SDK1: variants seen among roughly 807,000 people sequenced by gnomAD.
The protein encoded by SDK1 is protein sidekick-1.
SDK1 carries 157 observed loss-of-function variants against 245.5 expected under a neutral mutation model. The ratio of observed to expected loss-of-function variants is 0.64; its 90% CI spans 0.56 to 0.73. SDK1 has a LOEUF of 0.73. Among genes scored for constraint, SDK1 ranks in the 30% least tolerant of loss-of-function variants. SDK1 has a pLI of 0.00. For missense variants in SDK1, 3,583 were observed against 3,002.3 expected, an observed-to-expected ratio of 1.19 and a Z score of -4.52; for synonymous variants, 1,647 against 1,278.5, an observed-to-expected ratio of 1.29 and a Z score of -6.15.
chr7:3,849,785 G>C (rs1251572826), intron 5 of SDK1, among the ~76,000 whole-genome samples: 1 of 152,146 alleles, frequency 6.6e-6, no homozygotes, highest in Non-Finnish European at 1.5e-5. Context: ...TTATTTTCTT[G>C]TTACTGTACC....
intron 1 of SDK1, among the ~76,000 whole-genome samples, chr7:3,376,440 A>G (rs1408580788): frequency 6.6e-6 from 1 of 151,696 alleles, no homozygotes; most frequent in Non-Finnish European, 1.5e-5. Context: ...GAGAACTCTT[A>G]AAAATCAGTA....
intron 1 of SDK1, among the ~76,000 whole-genome samples, chr7:3,360,096 T>C (rs1482913392): frequency 3.3e-5 from 5 of 152,242 alleles, no homozygotes; most frequent in Non-Finnish European, 1.5e-5. Flanking sequence ...TTTCCTCTTA[T>C]GTCATGGCCT....
At chr7:3,520,148 G>C (rs1161128895) in intron 1 of SDK1, among the ~76,000 whole-genome samples, 1 of 152,078 alleles carries the variant, frequency 6.6e-6, no homozygotes, top group African/African-American at 2.4e-5. Context: ...ATCTTCTCTG[G>C]AGCCCTTCCT....
At chr7:3,645,066 A>G (rs978490639) in intron 4 of SDK1, among the ~76,000 whole-genome samples, 8 of 152,208 alleles carry the variant, frequency 5.3e-5, no homozygotes, top group Non-Finnish European at 2.9e-5. Context: ...TCTACCTGTT[A>G]ACCTGTGTTC....
At chr7:4,147,764 C>T (rs550377627) in intron 29 of SDK1, among the ~76,000 whole-genome samples, 27 of 152,326 alleles carry the variant, frequency 1.8e-4, no homozygotes, top group Admixed American at 1.5e-3. Context: ...TATCAGCACT[C>T]AGGGCTGTCG....
At chr7:3,570,760 C>T (rs901529248) in intron 1 of SDK1, among the ~76,000 whole-genome samples, 1 of 152,120 alleles carries the variant, frequency 6.6e-6, no homozygotes, top group East Asian at 1.9e-4. Context: ...TGATGGGTCC[C>T]TAAAGGCATT....
chr7:3,732,706 A>T (rs1779214683), intron 4 of SDK1, among the ~76,000 whole-genome samples: 1 of 152,232 alleles, frequency 6.6e-6, no homozygotes, highest in Non-Finnish European at 1.5e-5. Flanking sequence ...CACACATTTA[A>T]TGAAATATAA....
intron 4 of SDK1, among the ~76,000 whole-genome samples, chr7:3,657,978 C>T (rs1783241360): frequency 6.6e-6 from 1 of 152,146 alleles, no homozygotes. Context: ...TGGGTCTCAG[C>T]CTGCCCATGA....
intron 44 of SDK1, among the ~76,000 whole-genome samples, chr7:4,259,563 G>A (rs79871453): frequency 0.018 from 2,756 of 152,260 alleles, 58 homozygotes; most frequent in South Asian, 0.11. Context: ...ATATATTAGG[G>A]AACTGCTCCA....
intron 1 of SDK1, among the ~76,000 whole-genome samples, chr7:3,379,402 C>T (rs916802301): frequency 6.6e-6 from 1 of 151,990 alleles, no homozygotes; most frequent in Non-Finnish European, 1.5e-5. Context: ...ACCTGGAGCA[C>T]GTGTGACAAT....
chr7:3,520,774 A>G (rs1782912676), intron 1 of SDK1, among the ~76,000 whole-genome samples: 1 of 152,198 alleles, frequency 6.6e-6, no homozygotes, highest in Non-Finnish European at 1.5e-5. Context: ...TGCTGCTGGC[A>G]TAGCATGTCT....
chr7:3,420,710 G>C (rs115775819), intron 1 of SDK1, among the ~76,000 whole-genome samples: 24 of 152,330 alleles, frequency 1.6e-4, no homozygotes, highest in African/African-American at 5.8e-4. Flanking sequence ...AACATAATGA[G>C]AATCTTTATG....
At chr7:4,199,954 G>A (rs1192745161) in intron 35 of SDK1, among the ~76,000 whole-genome samples, 1 of 152,184 alleles carries the variant, frequency 6.6e-6, no homozygotes, top group African/African-American at 2.4e-5. Flanking sequence ...AATTAGCCGG[G>A]TGTGGTGGCG....
chr7:3,801,851 G>A (rs1031658918), intron 4 of SDK1, among the ~76,000 whole-genome samples: 2 of 152,120 alleles, frequency 1.3e-5, no homozygotes, highest in South Asian at 2.1e-4. Flanking sequence ...TTTGTGATTC[G>A]ATTCTCAAAC....
chr7:3,682,961 T>C (rs1784156728), intron 4 of SDK1, among the ~76,000 whole-genome samples: 1 of 152,158 alleles, frequency 6.6e-6, no homozygotes, highest in Non-Finnish European at 1.5e-5. Context: ...CTGGAACTCC[T>C]GACCTCAAGT....
At chr7:3,870,698 T>C (rs1054770897) in intron 5 of SDK1, among the ~76,000 whole-genome samples, 1 of 152,210 alleles carries the variant, frequency 6.6e-6, no homozygotes, top group Non-Finnish European at 1.5e-5. Flanking sequence ...ATAACCATAA[T>C]AAATTTATCA....
chr7:3,588,383 A>C (rs1464018005), intron 1 of SDK1, among the ~76,000 whole-genome samples: 5 of 152,238 alleles, frequency 3.3e-5, no homozygotes, highest in Admixed American at 2.6e-4. Context: ...GGCTATGCTA[A>C]ATTGTGTTGC....
intron 4 of SDK1, among the ~76,000 whole-genome samples, chr7:3,671,268 A>G (rs897557129): frequency 6.6e-6 from 1 of 152,184 alleles, no homozygotes; most frequent in Non-Finnish European, 1.5e-5. Context: ...TCATCTTGTA[A>G]ATTCAGAAAA....
At chr7:3,933,286 A>C (rs1780045264) in intron 5 of SDK1, among the ~76,000 whole-genome samples, 1 of 151,994 alleles carries the variant, frequency 6.6e-6, no homozygotes, top group Admixed American at 6.6e-5. Context: ...AATTTAAAAA[A>C]AATGTTTCTA....
Sources: gnomAD v4.1 joint callset for allele counts (sites outside exome capture counted in the v4.1 genomes callset) on GRCh38, gnomAD v4.1.1 for gene constraint, MANE v1.5 for transcripts, NCBI Gene and HGNC (gene_info 2026-07-23, HGNC 2026-07-21) for gene names.